CNTNAP3B: variants seen among roughly 807,000 people sequenced by gnomAD.
CNTNAP3B encodes the protein contactin-associated protein-like 3B.
A neutral mutation model predicts 108.9 loss-of-function variants in CNTNAP3B; 25 were observed. That is an observed-to-expected ratio of 0.23 (90% confidence interval 0.17 to 0.32). The LOEUF (loss-of-function observed/expected upper bound fraction) is 0.32. CNTNAP3B is among the 10% of genes least tolerant of loss of function. The pLI is 1.00. For missense variants in CNTNAP3B, 252 were observed against 1,210.4 expected (o/e 0.21, Z 11.75); for synonymous variants, 103 against 473.4 (o/e 0.22, Z 10.16).
chr9:42,103,281 A>C (rs1188419599), intron 2 of CNTNAP3B, among the ~76,000 whole-genome samples: 7 of 148,910 alleles, frequency 4.7e-5, no homozygotes, highest in Non-Finnish European at 1.0e-4. Context: ...AAATAAACAG[A>C]AAAATGAAAA....
intron 14 of CNTNAP3B, among the ~76,000 whole-genome samples, chr9:41,936,840 T>G (rs1295859255): frequency 6.6e-6 from 1 of 152,310 alleles, no homozygotes; most frequent in Admixed American, 6.5e-5. Context: ...CATTTTGTAA[T>G]TTTGAACTTG....
At chr9:41,930,564 A>G (rs1823948009) in intron 14 of CNTNAP3B, among the ~76,000 whole-genome samples, 1 of 151,736 alleles carries the variant, frequency 6.6e-6, no homozygotes, top group East Asian at 1.9e-4. Flanking sequence ...AAAACAAACA[A>G]AAAACCCCAA....
chr9:41,934,176 T>TAC (rs1273718365), intron 14 of CNTNAP3B, among the ~76,000 whole-genome samples: 1,299 of 105,246 alleles, frequency 0.012, no homozygotes, highest in South Asian at 0.022. Flanking sequence ...CACATATATA[T>TAC]ACACACACAC....
chr9:42,109,430 GATA>G (rs1427728252), intron 1 of CNTNAP3B, among the ~76,000 whole-genome samples: 1 of 142,452 alleles, frequency 7.0e-6, no homozygotes, highest in African/African-American at 2.7e-5. Flanking sequence ...TCTGGGATCT[GATA>G]ATAAGAATGA....
chr9:42,070,900 T>C (rs1306936173), intron 3 of CNTNAP3B, among the ~76,000 whole-genome samples: 1 of 151,598 alleles, frequency 6.6e-6, no homozygotes, highest in Admixed American at 6.6e-5. Flanking sequence ...TGACAGCTAG[T>C]GGACACTTTT....
intron 4 of CNTNAP3B, among the ~76,000 whole-genome samples, chr9:42,003,170 T>C (rs1826034378): frequency 7.2e-6 from 1 of 139,816 alleles, no homozygotes; most frequent in African/African-American, 2.8e-5. Flanking sequence ...ATTACAGGCA[T>C]AAGCCACCCC....
rs1461103192 is a variant in CNTNAP3B, at chr9:42,062,868, G to A, written c.390+14001C>T. The stretch of plus-strand genomic sequence containing the variant: ...GGCTGACATAAAATATCTTATAGTT[G>A]CAGCAAGTTTTTTTTAACTTGAATA... On this transcript the variant is annotated intron_variant, in intron 3 of 23. Transcript: ENST00000377561. Among the ~76,000 whole-genome samples, 12 of 94,894 alleles carry A rather than the reference G, an allele frequency of 1.3e-4. 4 individuals are homozygous for A. The highest frequency in any genetic ancestry group is 4.7e-4 in the African/African-American group (12 of 25,292). 62.3% of individuals were successfully genotyped at this position (94,894 alleles called of 152,430 possible). A position where few individuals can be genotyped will look rare whatever the true frequency, so the allele number is the denominator to read the frequency against.
intron 12 of CNTNAP3B, among the ~76,000 whole-genome samples, 167 bp downstream of exon 12, chr9:41,960,606 G>T (rs1345185447): frequency 8.3e-4 from 127 of 152,360 alleles, no homozygotes; most frequent in African/African-American, 2.9e-3. Flanking sequence ...CCCAGGCAAA[G>T]AAGAAATACA....
chr9:42,098,967 G>T (rs1311853189), intron 2 of CNTNAP3B, among the ~76,000 whole-genome samples: 2 of 136,006 alleles, frequency 1.5e-5, no homozygotes, highest in African/African-American at 5.9e-5. Flanking sequence ...CCGAAGGGCT[G>T]GTGCACCCAG....
intron 2 of CNTNAP3B, among the ~76,000 whole-genome samples, chr9:42,087,207 T>C (rs1353016014): frequency 7.2e-6 from 1 of 139,538 alleles, no homozygotes; most frequent in Non-Finnish European, 1.5e-5. Flanking sequence ...GTCTTTTAGA[T>C]TTCTAGATTT....
intron 15 of CNTNAP3B, among the ~76,000 whole-genome samples, chr9:41,924,537 G>C (rs1444517425): frequency 6.6e-6 from 1 of 152,252 alleles, no homozygotes; most frequent in Non-Finnish European, 1.5e-5. Context: ...GCTCAGTTTG[G>C]GACATGTTTC....
At chr9:41,947,597 T>A (rs932250080) in intron 13 of CNTNAP3B, among the ~76,000 whole-genome samples, 2 of 152,068 alleles carry the variant, frequency 1.3e-5, no homozygotes, top group Non-Finnish European at 2.9e-5. Flanking sequence ...AAGAAAGCCC[T>A]AAAGCCAATA....
At chr9:41,963,652 G>A (rs1389632276) in intron 11 of CNTNAP3B, among the ~76,000 whole-genome samples, 2 of 151,792 alleles carry the variant, frequency 1.3e-5, no homozygotes, top group Non-Finnish European at 2.9e-5. Flanking sequence ...GTAGGTTTGG[G>A]TAAGGCCTGA....
chr9:42,088,363 A>T (rs1827747569), intron 2 of CNTNAP3B, among the ~76,000 whole-genome samples: 1 of 135,526 alleles, frequency 7.4e-6, no homozygotes, highest in African/African-American at 3.0e-5. Context: ...GACCCAAGAG[A>T]ATCAGACCAG....
chr9:41,958,897 T>C (rs569663962), intron 12 of CNTNAP3B, among the ~76,000 whole-genome samples: 2 of 140,142 alleles, frequency 1.4e-5, no homozygotes, highest in South Asian at 4.5e-4. Flanking sequence ...CCAGTCAAGC[T>C]AGGTGTCAAA....
intron 1 of CNTNAP3B, among the ~76,000 whole-genome samples, chr9:42,122,053 AGT>A: frequency 7.1e-6 from 1 of 140,006 alleles, no homozygotes; most frequent in Admixed American, 7.1e-5. Flanking sequence ...TTACATGACA[AGT>A]GAGGAGCCCT....
Position 42,087,336 on chromosome 9 carries a change from C to T in CNTNAP3B, c.197-10274G>A, listed in dbSNP as rs1452404947. ...GTTGGGTCTGCTAAGACTACAAAGG[C>T]CTAAAAGCTCTTTTATGGACCCTTT... On this transcript the variant is annotated intron_variant, in intron 2 of 23. Transcript: ENST00000377561. Among the ~76,000 whole-genome samples the T allele has an allele frequency of 2.2e-5, 3 of 134,296 alleles. No homozygotes were observed. In the East Asian group the frequency reaches 6.8e-4, roughly 31 times the overall value. 88.1% of individuals were successfully genotyped at this position (134,296 alleles called of 152,430 possible).
chr9:42,111,470 C>T (rs1295831364), intron 1 of CNTNAP3B, among the ~76,000 whole-genome samples: 2 of 138,342 alleles, frequency 1.4e-5, no homozygotes, highest in African/African-American at 5.8e-5. Context: ...CGCTCCTAAG[C>T]TGGTAAACGG....
rs182679415 is a variant in CNTNAP3B at position 42,125,672 on chromosome 9, T to G, written c.85+3338A>C. Among the ~76,000 whole-genome samples the G allele has an allele frequency of 9.5e-3, 1,256 of 132,238 alleles. 180 individuals carry two copies. The highest frequency in any genetic ancestry group is 0.023 in the South Asian group (93 of 4,000). 86.8% of individuals were successfully genotyped at this position (132,238 alleles called of 152,430 possible). A position where few individuals can be genotyped will look rare whatever the true frequency, so the allele number is the denominator to read the frequency against. ...ATGTGAACTACATTTTTTGTTTTTT[T>G]TTTTTTGTTTTTTTTTGAGACAGAG... On this transcript the variant is annotated intron_variant, in intron 1 of 23. Transcript: ENST00000377561.
Sources: allele counts gnomAD v4.1 joint callset (sites outside exome capture counted in the v4.1 genomes callset), GRCh38; gene constraint gnomAD v4.1.1; transcripts MANE v1.5; gene names NCBI Gene and HGNC (gene_info 2026-07-23, HGNC 2026-07-21).